Variants in CNTNAP2 observed in about 807,000 individuals in gnomAD.
CNTNAP2 encodes the protein contactin-associated protein-like 2.
A neutral mutation model predicts 155.2 loss-of-function variants in CNTNAP2; 98 were observed. The observed-to-expected ratio is 0.63, with a 90% CI of 0.54 to 0.75. The LOEUF (loss-of-function observed/expected upper bound fraction) is 0.75. Ranked by LOEUF, CNTNAP2 falls within the 30% of genes least tolerant of loss-of-function variation. The pLI, the probability that CNTNAP2 is intolerant of heterozygous loss-of-function variation, is 0.00. For missense variants in CNTNAP2, 1,727 were observed against 1,688.1 expected (o/e 1.02, Z -0.40); for synonymous variants, 651 against 631.2 (o/e 1.03, Z -0.47).
intron 13 of CNTNAP2, among the ~76,000 whole-genome samples, chr7:147,682,504 C>T (rs1388289884): frequency 6.6e-6 from 1 of 151,764 alleles, no homozygotes; most frequent in Admixed American, 6.6e-5. Context: ...TTATTAATTA[C>T]AAAATTTAAC....
intron 16 of CNTNAP2, among the ~76,000 whole-genome samples, chr7:148,138,919 A>C (rs1472572410): frequency 6.6e-6 from 1 of 152,222 alleles, no homozygotes; most frequent in Non-Finnish European, 1.5e-5. Context: ...TATTCTCAAA[A>C]GGTGGTTAAA....
At chr7:147,864,224 G>C (rs964409664) in intron 13 of CNTNAP2, among the ~76,000 whole-genome samples, 3 of 152,174 alleles carry the variant, frequency 2.0e-5, no homozygotes, top group African/African-American at 7.2e-5. Context: ...GTTTGTCAAA[G>C]ATCCAATGGT....
chr7:146,150,106 A>C (rs1181626995), intron 1 of CNTNAP2, among the ~76,000 whole-genome samples: 1 of 152,132 alleles, frequency 6.6e-6, no homozygotes, highest in Non-Finnish European at 1.5e-5. Flanking sequence ...AAAATGGGGG[A>C]AAGATTTGCA....
In CNTNAP2 at chr7:147,485,837, G is replaced by T. The variant is rs547851540; in HGVS notation, c.1671-98G>T. 3.5e-6 allele frequency: 4 copies of T among 1,132,354 alleles called. No homozygotes were observed. The Admixed American group carries it at 5.1e-5, about 14-fold the overall frequency. The allele number at this position is 1,132,354 out of a possible 1,614,324, so 70.1% of individuals were successfully genotyped here. ...TTAATTGCCTTGGTAAGGCAACCTG[G>T]CATTGAAATGATATATTGCCCAGAC... On this transcript the variant is annotated intron_variant, in intron 10 of 23. Transcript: ENST00000361727.
chr7:146,199,902 C>A (rs1360423317), intron 1 of CNTNAP2, among the ~76,000 whole-genome samples: 1 of 152,158 alleles, frequency 6.6e-6, no homozygotes, highest in South Asian at 2.1e-4. Context: ...AACAGTCTTT[C>A]TCCCTTGCCC....
chr7:147,519,681 G>C (rs1799198447), intron 11 of CNTNAP2, among the ~76,000 whole-genome samples: 1 of 152,304 alleles, frequency 6.6e-6, no homozygotes, highest in African/African-American at 2.4e-5. Flanking sequence ...TGGCCAACGG[G>C]GTGCAACCCC....
chr7:148,189,592 G>A (rs1014844201), intron 18 of CNTNAP2, among the ~76,000 whole-genome samples: 1 of 152,162 alleles, frequency 6.6e-6, no homozygotes, highest in Non-Finnish European at 1.5e-5. Context: ...GCCATGGGAT[G>A]ATACAACAAG....
chr7:146,392,968 A>C (rs529636141), intron 1 of CNTNAP2, among the ~76,000 whole-genome samples: 1 of 152,196 alleles, frequency 6.6e-6, no homozygotes, highest in Admixed American at 6.5e-5. Flanking sequence ...AGAAGAATCC[A>C]GTGCTACTGA....
At chr7:146,627,110 A>G (rs1473314249) in intron 1 of CNTNAP2, among the ~76,000 whole-genome samples, 1 of 152,162 alleles carries the variant, frequency 6.6e-6, no homozygotes, top group African/African-American at 2.4e-5. Context: ...TCTTACATGG[A>G]TGGCAGCAGG....
chr7:147,540,737 A>C (rs542385117), intron 11 of CNTNAP2, among the ~76,000 whole-genome samples: 1 of 152,272 alleles, frequency 6.6e-6, no homozygotes, highest in South Asian at 2.1e-4. Flanking sequence ...AGGCTGAGGC[A>C]AAAGAATCGC....
chr7:148,238,432 C>T (rs1257013711), intron 20 of CNTNAP2, among the ~76,000 whole-genome samples: 3 of 152,220 alleles, frequency 2.0e-5, no homozygotes, highest in Admixed American at 1.3e-4. Flanking sequence ...AACCAGACCC[C>T]GTTTCCCCAC....
rs1417038426 is a variant in CNTNAP2, at chr7:146,840,048, G to GA, written c.402+147dup. ...TATTTATTCATCATTGTTGATGGAA[G>GA]AAAGTTTCTTCAGGCTGTAATTTCT... On this transcript the variant is annotated intron_variant, in intron 3 of 23. Coordinates refer to ENST00000361727, the MANE Select transcript of CNTNAP2 (RefSeq NM_014141.6). 16 of 1,010,174 alleles carry GA rather than the reference G, an allele frequency of 1.6e-5. No individual in the cohort carries two copies. In the Admixed American group the frequency reaches 3.5e-4, roughly 22 times the overall value. 62.6% of individuals were successfully genotyped at this position (1,010,174 alleles called of 1,614,324 possible).
intron 1 of CNTNAP2, among the ~76,000 whole-genome samples, chr7:146,246,245 A>G (rs1319278945): frequency 6.6e-6 from 1 of 150,536 alleles, no homozygotes; most frequent in African/African-American, 2.5e-5. Flanking sequence ...GTGGGGTAAT[A>G]CAAGAGGAGG....
At chr7:147,410,081 T>G (rs540532045) in intron 10 of CNTNAP2, among the ~76,000 whole-genome samples, 1 of 152,340 alleles carries the variant, frequency 6.6e-6, no homozygotes, top group East Asian at 1.9e-4. Context: ...TAAATCATTC[T>G]ATTAGAAAGA....
At chr7:147,082,059 A>G (rs1443779094) in intron 4 of CNTNAP2, 1 of 152,172 alleles carries the variant, frequency 6.6e-6, no homozygotes, top group Non-Finnish European at 1.5e-5. Context: ...TGGTCTGTTC[A>G]AGCAGGAAAT....
At chr7:147,128,077 A>G (rs1801276987) in intron 6 of CNTNAP2, among the ~76,000 whole-genome samples, 1 of 152,158 alleles carries the variant, frequency 6.6e-6, no homozygotes, top group Admixed American at 6.5e-5. Context: ...TAAAAGACCT[A>G]TAATATCTTT....
rs184168063 is a variant in CNTNAP2 at position 146,721,645 on chromosome 7, A to C, written c.98-52626A>C. 4.3e-3 allele frequency among the ~76,000 whole-genome samples: 513 copies of C among 119,140 alleles called. 5 individuals carry two copies. The Middle Eastern group carries it at 0.045, about 10-fold the overall frequency. 78.2% of individuals were successfully genotyped at this position (119,140 alleles called of 152,430 possible). A position where few individuals can be genotyped will look rare whatever the true frequency, so the allele number is the denominator to read the frequency against. On this transcript the variant is annotated intron_variant, in intron 1 of 23. Transcript: ENST00000361727. ...TCTATATACATTCTATATATATTCT[A>C]TATATATTCTATATACATTCTATAT...
chr7:146,519,857 T>G (rs1211518931), intron 1 of CNTNAP2, among the ~76,000 whole-genome samples: 3 of 151,856 alleles, frequency 2.0e-5, no homozygotes, highest in Non-Finnish European at 2.9e-5. Flanking sequence ...AGTATCAACA[T>G]AGCAGTACAT....
chr7:147,583,503 C>CATAT (rs71183019), intron 12 of CNTNAP2, among the ~76,000 whole-genome samples: 13,485 of 128,792 alleles, frequency 0.1, 734 homozygotes, highest in East Asian at 0.17. Context: ...AAAGACATGA[C>CATAT]ATATATATAT....
Sources: allele counts gnomAD v4.1 joint callset (sites outside exome capture counted in the v4.1 genomes callset), GRCh38; gene constraint gnomAD v4.1.1; transcripts MANE v1.5; gene names NCBI Gene and HGNC (gene_info 2026-07-23, HGNC 2026-07-21).